CDK2AP1: variants seen among roughly 807,000 people sequenced by gnomAD.
CDK2AP1 encodes the protein cyclin-dependent kinase 2-associated protein 1.
Under a neutral mutation model 14.1 loss-of-function variants are expected in CDK2AP1, and 10 were observed. The ratio of observed to expected loss-of-function variants is 0.71; its 90% CI spans 0.44 to 1.20. CDK2AP1 has a LOEUF of 1.20. Among genes scored for constraint, CDK2AP1 ranks in the 50% most tolerant of loss-of-function variants. The probability of loss-of-function intolerance (pLI) is 0.00; values close to 1 mark genes in which losing one functional copy is unlikely to be tolerated. For missense variants in CDK2AP1, 102 were observed against 149.9 expected (o/e 0.68, Z 1.67); for synonymous variants, 59 against 59.8 (o/e 0.99, Z 0.06).
Position 123,261,488 on chromosome 12 carries a change from T to C in CDK2AP1, c.*248A>G, listed in dbSNP as rs1302600161. The C allele has an allele frequency of 7.5e-5, 33 of 440,048 alleles. No individual in the cohort carries two copies. The highest frequency in any genetic ancestry group is 6.2e-4 in the Middle Eastern group (1 of 1,602). 27.3% of individuals were successfully genotyped at this position (440,048 alleles called of 1,614,324 possible). ...TTGCTGTAAGATAACTTTCCGTGCA[T>C]CTTTTAAATCAATGCTTAAAAAACA... On this transcript the variant is annotated 3_prime_UTR_variant, in exon 4 of 4. Coordinates refer to ENST00000261692, the MANE Select transcript of CDK2AP1 (RefSeq NM_004642.4).
intron 1 of CDK2AP1, chr12:123,271,114 C>A: frequency 1.3e-6 from 1 of 778,880 alleles, no homozygotes; most frequent in South Asian, 5.6e-5. Flanking sequence ...CCCGCAGCGC[C>A]CCCCGCCCGG....
chr12:123,271,813 C>T lies in CDK2AP1; in HGVS notation c.-195G>A, dbSNP rs988823406. The T allele has an allele frequency of 6.8e-6, 1 of 146,882 alleles. No individual in the cohort carries two copies. Among genetic ancestry groups the T allele is most frequent in the African/African-American group, 2.4e-5 (1 of 40,840 alleles). 9.1% of individuals were successfully genotyped at this position (146,882 alleles called of 1,614,324 possible). A position where few individuals can be genotyped will look rare whatever the true frequency, so the allele number is the denominator to read the frequency against. ...GTCCGCGCCCTGCCGCCGCCGCAGT[C>T]TCACCCAGGCCCCGGGTGCGGCGCA... On this transcript the variant is annotated 5_prime_UTR_variant, in exon 1 of 4. Transcript: ENST00000261692.
intron 1 of CDK2AP1, among the ~76,000 whole-genome samples, chr12:123,268,825 T>C (rs61953394): frequency 0.11 from 16,935 of 152,208 alleles, 1,094 homozygotes; most frequent in East Asian, 0.3. Context: ...GCCCCCTAAC[T>C]ACATCAGCCA....
rs1010948349 is a variant in CDK2AP1, at chr12:123,265,915, G to A, written c.154-593C>T. ...TGGGCCACCAGGACCACAGCGATCC[G>A]CCATGGCCCAGCCAGAGCCTGGAAT... On this transcript the variant is annotated intron_variant, in intron 2 of 3. Transcript: ENST00000261692. The surrounding 1 kb of genome is among the most constrained non-coding windows in gnomAD (Gnocchi z 5.3). Among the ~76,000 whole-genome samples, 34 of 152,120 alleles carry A rather than the reference G, an allele frequency of 2.2e-4. No individual in the cohort carries two copies. Among genetic ancestry groups the A allele is most frequent in the African/African-American group, 8.2e-4 (34 of 41,418 alleles).
chr12:123,265,161 T>C lies in CDK2AP1; in HGVS notation c.280+35A>G, dbSNP rs771075248. 1.9e-5 allele frequency: 31 copies of C among 1,613,672 alleles called. No homozygotes were observed. Among genetic ancestry groups the C allele is most frequent in the Non-Finnish European group, 2.3e-5 (27 of 1,179,782 alleles). ...CTTTCCAGAGTTAAAGGTCTAGCAC[T>C]GTGGTCACCGACAGGGCAGCGGGGC... On this transcript the variant is annotated intron_variant, in intron 3 of 3. Transcript: ENST00000261692. The surrounding 1 kb of genome is among the most constrained non-coding windows in gnomAD (Gnocchi z 5.3).
chr12:123,270,299 C>T (rs1467275891), intron 1 of CDK2AP1: 1 of 378,830 alleles, frequency 2.6e-6, no homozygotes, highest in Non-Finnish European at 3.6e-6. Context: ...ATTCAACTCT[C>T]CCTCCGCACC....
chr12:123,267,076 G>A (rs1013449907), intron 2 of CDK2AP1, 109 bp downstream of exon 2: 41 of 760,014 alleles, frequency 5.4e-5, no homozygotes, highest in African/African-American at 3.1e-4. Context: ...AGAAAGCTCC[G>A]TCCCATCCTT....
In CDK2AP1 at chr12:123,265,041, A is replaced by G. The variant is rs780910274; in HGVS notation, c.280+155T>C. On this transcript the variant is annotated intron_variant, in intron 3 of 3. Transcript: ENST00000261692. This position sits in a 1 kb window ranked among gnomAD's most constrained non-coding sequence, Gnocchi z 5.3. Reference sequence around the variant, plus strand: ...CGCTACCAGACCCATCGCCTGCCTGAGGCCTCCACCACAGACGGCAACTCT... The same window carrying G: ...CGCTACCAGACCCATCGCCTGCCTGGGGCCTCCACCACAGACGGCAACTCT... Among the ~76,000 whole-genome samples the G allele has an allele frequency of 1.3e-5, 2 of 152,134 alleles. No homozygotes were observed. The highest frequency in any genetic ancestry group is 4.8e-5 in the African/African-American group (2 of 41,422).
intron 1 of CDK2AP1, chr12:123,271,143 TCCCCAGGGCGGCGGGGCCCCGCG>T: frequency 6.3e-6 from 3 of 475,860 alleles, no homozygotes; most frequent in Non-Finnish European, 8.1e-6. Context: ...ACGACCCCGC[TCCCCAGGGCGGCGGGGCCCCGCG>T]CCCCGCTCCC....
chr12:123,269,956 C>T (rs1352209410), intron 1 of CDK2AP1, among the ~76,000 whole-genome samples: 1 of 152,166 alleles, frequency 6.6e-6, no homozygotes, highest in African/African-American at 2.4e-5. Flanking sequence ...CTCCACAGGA[C>T]AAAGAAGAAA....
At chr12:123,268,694 T>G (rs945761402) in intron 1 of CDK2AP1, among the ~76,000 whole-genome samples, 2 of 152,132 alleles carry the variant, frequency 1.3e-5, no homozygotes, top group East Asian at 1.9e-4. Flanking sequence ...ATGAGACACA[T>G]GCGGATGATG....
chr12:123,269,516 C>G (rs540106020), intron 1 of CDK2AP1, among the ~76,000 whole-genome samples: 1 of 152,248 alleles, frequency 6.6e-6, no homozygotes, highest in African/African-American at 2.4e-5. Flanking sequence ...CAGCGAAGGC[C>G]GTCTCGGCGC....
In CDK2AP1 at chr12:123,265,097, C is replaced by A; in HGVS notation, c.280+99G>T. 2.0e-6 allele frequency: 3 copies of A among 1,512,040 alleles called. No homozygotes were observed. Among genetic ancestry groups the A allele is most frequent in the Non-Finnish European group, 1.8e-6 (2 of 1,102,484 alleles). 93.7% of individuals were successfully genotyped at this position (1,512,040 alleles called of 1,614,324 possible). A position where few individuals can be genotyped will look rare whatever the true frequency, so the allele number is the denominator to read the frequency against. On this transcript the variant is annotated intron_variant, in intron 3 of 3. Coordinates refer to ENST00000261692, the MANE Select transcript of CDK2AP1 (RefSeq NM_004642.4). This position sits in a 1 kb window ranked among gnomAD's most constrained non-coding sequence, Gnocchi z 5.3. ...AAGACAGGAGCTCCCATGAGTGAGCCTCATCCCTAGCCCACCTTCCCACAT... is the reference window on the plus strand; with the variant it reads ...AAGACAGGAGCTCCCATGAGTGAGCATCATCCCTAGCCCACCTTCCCACAT...
Position 123,261,307 on chromosome 12 carries a change from G to T in CDK2AP1, c.*429C>A, listed in dbSNP as rs536266194. The T allele has an allele frequency of 6.4e-6, 1 of 155,752 alleles. No individual in the cohort carries two copies. Among genetic ancestry groups the T allele is most frequent in the African/African-American group, 2.4e-5 (1 of 41,576 alleles). 9.6% of individuals were successfully genotyped at this position (155,752 alleles called of 1,614,324 possible). A position where few individuals can be genotyped will look rare whatever the true frequency, so the allele number is the denominator to read the frequency against. ...CTACATTGTATGGCAAATGGGAACC[G>T]GCTACTAAGTAAAGCGTGCTGTCAA... On this transcript the variant is annotated 3_prime_UTR_variant, in exon 4 of 4. Coordinates refer to ENST00000261692, the MANE Select transcript of CDK2AP1 (RefSeq NM_004642.4).
intron 1 of CDK2AP1, among the ~76,000 whole-genome samples, chr12:123,270,500 T>G (rs1361979194): frequency 2.0e-5 from 3 of 151,562 alleles, no homozygotes; most frequent in African/African-American, 7.3e-5. Flanking sequence ...GTCGAGTCCT[T>G]CCCCCCATCC....
At chr12:123,270,279 C>A (rs952014483) in intron 1 of CDK2AP1, 1 of 675,788 alleles carries the variant, frequency 1.5e-6, no homozygotes, top group African/African-American at 2.0e-5. Flanking sequence ...TCCGAGCCCA[C>A]AAGTGAGCAA....
At chr12:123,266,914 G>T (rs2048303088) in intron 2 of CDK2AP1, among the ~76,000 whole-genome samples, 1 of 152,210 alleles carries the variant, frequency 6.6e-6, no homozygotes, top group African/African-American at 2.4e-5. Context: ...CTGGAGGAAC[G>T]CGTGGGGTGG....
chr12:123,263,057 T>C (rs1241841511), intron 3 of CDK2AP1, among the ~76,000 whole-genome samples: 4 of 151,416 alleles, frequency 2.6e-5, no homozygotes, highest in Non-Finnish European at 5.9e-5. Context: ...CTACTAAAAA[T>C]ACAAAAATTA....
At chr12:123,267,465 G>A in intron 1 of CDK2AP1, 183 bp from the exon 2 acceptor site, 1 of 555,884 alleles carries the variant, frequency 1.8e-6, no homozygotes, top group South Asian at 1.9e-5. Flanking sequence ...TAGCTACAAG[G>A]CACCTGACCA....
Sources: gnomAD v4.1 joint callset for allele counts (sites outside exome capture counted in the v4.1 genomes callset) on GRCh38, gnomAD v4.1.1 for gene constraint, Gnocchi (gnomAD v3.1) non-coding constraint, MANE v1.5 for transcripts, NCBI Gene and HGNC (gene_info 2026-07-23, HGNC 2026-07-21) for gene names.